The following RBFOX2 variants were observed in gnomAD, a reference collection of about 807,000 sequenced individuals.
The protein encoded by RBFOX2 is RNA binding fox-1 homolog 2.
A neutral mutation model predicts 49.1 loss-of-function variants in RBFOX2; 10 were observed. The ratio of observed to expected loss-of-function variants is 0.20; its 90% CI spans 0.13 to 0.35. The LOEUF (loss-of-function observed/expected upper bound fraction) is 0.35. Ranked by LOEUF, RBFOX2 falls within the 10% of genes least tolerant of loss-of-function variation. The pLI, the probability that RBFOX2 is intolerant of heterozygous loss-of-function variation, is 1.00. For synonymous variants in RBFOX2, 183 were observed against 187.4 expected (o/e 0.98, Z 0.19); for missense variants, 323 against 486.9 (o/e 0.66, Z 3.17).
At chr22:35,762,150 AG>A in intron 6 of RBFOX2, among the ~76,000 whole-genome samples, 1 of 152,236 alleles carries the variant, frequency 6.6e-6, no homozygotes. Flanking sequence ...TCTTAGCTAA[AG>A]AACACCAGAA....
intron 6 of RBFOX2, 22 bp from the exon 8 acceptor site, chr22:35,761,490 G>A: frequency 6.2e-7 from 1 of 1,613,214 alleles, no homozygotes; most frequent in Non-Finnish European, 8.5e-7. Context: ...AAAATGGAAG[G>A]TAAGCATTTA....
chr22:35,874,374 A>G (rs2149223349), intron 1 of RBFOX2, among the ~76,000 whole-genome samples: 1 of 152,344 alleles, frequency 6.6e-6, no homozygotes, highest in East Asian at 1.9e-4. Context: ...TTAAAGAGCT[A>G]ATAAATCTAG....
chr22:35,775,286 A>G (rs136055), intron 4 of RBFOX2, among the ~76,000 whole-genome samples: 128,217 of 152,164 alleles, frequency 0.84, 54,491 homozygotes, highest in African/African-American at 0.96. Context: ...AGAAAGCTTC[A>G]AAGGACAAAA....
intron 1 of RBFOX2, among the ~76,000 whole-genome samples, chr22:35,835,679 A>C (rs772633771): frequency 9.2e-5 from 14 of 152,184 alleles, no homozygotes; most frequent in Admixed American, 2.6e-4. Flanking sequence ...AAAATAGAGA[A>C]GGGGGCCAAA....
intron 1 of RBFOX2, among the ~76,000 whole-genome samples, chr22:35,905,255 C>T (rs1417629804): frequency 6.6e-6 from 1 of 151,714 alleles, no homozygotes; most frequent in Non-Finnish European, 1.5e-5. Context: ...AGGCAGCCAA[C>T]ATAGGAAACA....
At chr22:35,927,604 CAAAA>C (rs361700) in intron 1 of RBFOX2, among the ~76,000 whole-genome samples, 2 of 49,184 alleles carry the variant, frequency 4.1e-5, no homozygotes, top group Admixed American at 2.4e-4. Context: ...AACTCCGTCT[CAAAA>C]AAAAAAAAAA....
At chr22:36,019,195 C>T (rs530502909) in intron 1 of RBFOX2, among the ~76,000 whole-genome samples, 9 of 152,338 alleles carry the variant, frequency 5.9e-5, no homozygotes, top group African/African-American at 2.2e-4. Flanking sequence ...AAGAAATCCA[C>T]ATCCCCCCTG....
chr22:35,901,073 T>C (rs1264384970), intron 1 of RBFOX2, among the ~76,000 whole-genome samples: 4 of 152,328 alleles, frequency 2.6e-5, no homozygotes, highest in Middle Eastern at 3.4e-3. Context: ...CATTATCTCA[T>C]TGCATCTTCA....
chr22:35,797,884 T>C (rs1352306940), intron 2 of RBFOX2, among the ~76,000 whole-genome samples: 1 of 152,228 alleles, frequency 6.6e-6, no homozygotes, highest in Non-Finnish European at 1.5e-5. Flanking sequence ...ATGGGTTCAC[T>C]GTTTAGGAGA....
At chr22:35,862,162 T>C (rs1258127750) in intron 1 of RBFOX2, among the ~76,000 whole-genome samples, 1 of 152,140 alleles carries the variant, frequency 6.6e-6, no homozygotes, top group African/African-American at 2.4e-5. Context: ...CAAAGGGGCA[T>C]GAGAAAACTT....
chr22:36,010,796 A>C (rs1181253945), intron 1 of RBFOX2, among the ~76,000 whole-genome samples: 1 of 149,882 alleles, frequency 6.7e-6, no homozygotes, highest in East Asian at 2.0e-4. Context: ...TATATTCTCT[A>C]TTTGTTGAGC....
chr22:35,804,621 G>T (rs538823002), intron 2 of RBFOX2, among the ~76,000 whole-genome samples: 1 of 152,166 alleles, frequency 6.6e-6, no homozygotes, highest in South Asian at 2.1e-4. Context: ...GGGCTGGGGG[G>T]TGGAGGAAGA....
intron 1 of RBFOX2, among the ~76,000 whole-genome samples, chr22:35,938,294 G>A (rs184013238): frequency 3.3e-5 from 5 of 152,264 alleles, no homozygotes; most frequent in East Asian, 3.9e-4. Flanking sequence ...AGGGTGTCTC[G>A]TAGGAAGCAA....
intron 2 of RBFOX2, among the ~76,000 whole-genome samples, chr22:35,792,068 G>A (rs1459372990): frequency 6.6e-6 from 1 of 152,024 alleles, no homozygotes; most frequent in East Asian, 1.9e-4. Context: ...TGTAATCCCA[G>A]CACTTTAGGA....
chr22:35,922,364 A>G (rs918272247), intron 1 of RBFOX2, among the ~76,000 whole-genome samples: 1 of 152,012 alleles, frequency 6.6e-6, no homozygotes, highest in African/African-American at 2.4e-5. Context: ...GCAGATCACG[A>G]GGTCAGGAGT....
upstream of RBFOX2, among the ~76,000 whole-genome samples, chr22:35,942,462 G>A (rs2053794150): frequency 6.6e-6 from 1 of 151,948 alleles, no homozygotes; most frequent in Non-Finnish European, 1.5e-5. Context: ...GTTTGCCTTA[G>A]TGAAAAACTA....
chr22:35,919,720 T>C (rs1452945516), intron 1 of RBFOX2, among the ~76,000 whole-genome samples: 1 of 152,178 alleles, frequency 6.6e-6, no homozygotes, highest in Non-Finnish European at 1.5e-5. Flanking sequence ...TGTTTTAAAG[T>C]GCCCTTGGAG....
chr22:35,888,376 T>C (rs2046848521), intron 1 of RBFOX2, among the ~76,000 whole-genome samples: 1 of 152,214 alleles, frequency 6.6e-6, no homozygotes, highest in African/African-American at 2.4e-5. Context: ...TCTGATTGTG[T>C]GAGAACATCA....
chr22:35,832,631 G>C (rs1423343195), intron 1 of RBFOX2, among the ~76,000 whole-genome samples: 1 of 151,468 alleles, frequency 6.6e-6, no homozygotes, highest in Non-Finnish European at 1.5e-5. Context: ...TCAGAATTTC[G>C]AGAGCAGCCT....
Sources: allele counts gnomAD v4.1 joint callset (sites outside exome capture counted in the v4.1 genomes callset), GRCh38; gene constraint gnomAD v4.1.1; transcripts MANE v1.5; gene names NCBI Gene and HGNC (gene_info 2026-07-23, HGNC 2026-07-21).